BACH2: variants seen among roughly 807,000 people sequenced by gnomAD.
The protein encoded by BACH2 is BACH transcriptional regulator 2, also known as transcription regulator protein BACH2.
A neutral mutation model predicts 61.8 loss-of-function variants in BACH2; 5 were observed. That is an observed-to-expected ratio of 0.08 (90% CI 0.04 to 0.17). BACH2 has a LOEUF of 0.17. BACH2 is among the 10% of genes least tolerant of loss of function. BACH2 has a pLI of 1.00. For missense variants in BACH2, 824 were observed against 1,091.1 expected (o/e 0.76, Z 3.45); for synonymous variants, 446 against 440.1 (o/e 1.01, Z -0.17).
chr6:90,239,277 T>C (rs2127863873), intron 3 of BACH2, among the ~76,000 whole-genome samples: 1 of 152,360 alleles, frequency 6.6e-6, no homozygotes, highest in Non-Finnish European at 1.5e-5. Context: ...CAGCTGGGAA[T>C]GTCCTGGCAT....
At position 90,029,606 on chromosome 6, in the gene BACH2, T is replaced by G. The variant is rs149269339; in HGVS notation, c.-12-20750A>C. Among the ~76,000 whole-genome samples the G allele has an allele frequency of 6.7e-3, 1,018 of 152,308 alleles. 17 individuals are homozygous for G. The highest frequency in any genetic ancestry group is 0.023 in the African/African-American group (972 of 41,556). ...ATTGAGGGCAGGAATTTTTACCTGTTTTGCTCACCATTGAAGCCGCAGAAC... is the reference window on the plus strand; with the variant it reads ...ATTGAGGGCAGGAATTTTTACCTGTGTTGCTCACCATTGAAGCCGCAGAAC... On this transcript the variant is annotated intron_variant, in intron 5 of 8. Transcript: ENST00000257749.
chr6:89,951,067 T>C lies in BACH2; in HGVS notation c.1039A>G (p.Ile347Val), dbSNP rs1774066807. 1 of 1,612,184 alleles carries C rather than the reference T, an allele frequency of 6.2e-7. No homozygotes were observed. Among genetic ancestry groups the C allele is most frequent in the Non-Finnish European group, 8.5e-7 (1 of 1,179,088 alleles). ...SPSCLRSLFSITKSVELSGLP... is the reference protein window; with the variant it reads ...SPSCLRSLFSVTKSVELSGLP... ...CCAGACAGCTCCACACTTTTCGTTA[T>C]GCTGAACAGAGACCTTAAGCAGGAG... is the stretch of plus-strand genomic sequence containing the variant. Residue 347 changes from isoleucine to valine, a missense_variant, in exon 7 of 9, where the codon ATA becomes GTA. Around this residue, in one of 8 missense-constraint regions of BACH2, gnomAD observed 226 missense variants for 228.5 expected, o/e 0.99. Transcript: ENST00000257749. This position sits in a 1 kb window ranked among gnomAD's most constrained non-coding sequence, Gnocchi z 6.4.
chr6:89,946,625 T>C (rs1437833118), intron 7 of BACH2, among the ~76,000 whole-genome samples: 1 of 152,222 alleles, frequency 6.6e-6, no homozygotes, highest in African/African-American at 2.4e-5. Flanking sequence ...GAAACATGTC[T>C]TGGCCCTGTG....
chr6:90,011,130 A>G (rs1189802940), intron 5 of BACH2, among the ~76,000 whole-genome samples: 1 of 149,674 alleles, frequency 6.7e-6, no homozygotes, highest in African/African-American at 2.5e-5. Context: ...AAACTAAACC[A>G]AGGTCATAAA....
At chr6:89,971,177 G>A (rs182030054) in intron 6 of BACH2, among the ~76,000 whole-genome samples, 3 of 152,290 alleles carry the variant, frequency 2.0e-5, no homozygotes, top group Admixed American at 2.0e-4. Flanking sequence ...AGTAACATGG[G>A]AACAACTGCG....
intron 4 of BACH2, among the ~76,000 whole-genome samples, chr6:90,145,484 TAGTC>T (rs1389753974): frequency 1.3e-5 from 2 of 152,226 alleles, no homozygotes; most frequent in African/African-American, 2.4e-5. Flanking sequence ...AACTAGTACA[TAGTC>T]AGCTTTTTAG....
At chr6:90,013,429 G>C (rs148100782) in intron 5 of BACH2, among the ~76,000 whole-genome samples, 64 of 151,504 alleles carry the variant, frequency 4.2e-4, no homozygotes, top group African/African-American at 1.5e-3. Context: ...AGCTGAGGAA[G>C]TTTTATTTCT....
At chr6:89,939,779 C>T (rs1388967021) in intron 7 of BACH2, among the ~76,000 whole-genome samples, 3 of 148,952 alleles carry the variant, frequency 2.0e-5, no homozygotes, top group South Asian at 2.1e-4. Context: ...ATCCTCTTGC[C>T]TTGGCCTCCC....
intron 5 of BACH2, among the ~76,000 whole-genome samples, chr6:90,049,821 G>GT (rs1309253528): frequency 1.3e-5 from 2 of 152,206 alleles, no homozygotes; most frequent in African/African-American, 4.8e-5. Flanking sequence ...GCAAACCAAA[G>GT]TAAGATTGTC....
intron 5 of BACH2, among the ~76,000 whole-genome samples, chr6:90,070,402 T>C (rs145500921): frequency 2.6e-5 from 4 of 152,276 alleles, no homozygotes; most frequent in Admixed American, 1.3e-4. Context: ...CTTGAGGAAG[T>C]AGCTGGTTCC....
At chr6:89,933,427 C>A (rs1333827369) in intron 8 of BACH2, among the ~76,000 whole-genome samples, 1 of 152,054 alleles carries the variant, frequency 6.6e-6, no homozygotes, top group Non-Finnish European at 1.5e-5. Flanking sequence ...GGCAGTGAAG[C>A]CACTCTGTAT....
chr6:90,099,789 T>C (rs1782536793), intron 4 of BACH2, among the ~76,000 whole-genome samples: 1 of 152,194 alleles, frequency 6.6e-6, no homozygotes, highest in African/African-American at 2.4e-5. Context: ...ATAATCAGCA[T>C]ATCATACAAT....
intron 3 of BACH2, among the ~76,000 whole-genome samples, chr6:90,209,134 G>A (rs1228391262): frequency 6.6e-6 from 1 of 152,050 alleles, no homozygotes; most frequent in Non-Finnish European, 1.5e-5. Flanking sequence ...GCAAACCAAC[G>A]TGGCACATGT....
At chr6:90,049,791 G>A (rs1172631847) in intron 5 of BACH2, among the ~76,000 whole-genome samples, 1 of 152,200 alleles carries the variant, frequency 6.6e-6, no homozygotes, top group Non-Finnish European at 1.5e-5. Context: ...AATGAGATGT[G>A]CTCATAAAGT....
At chr6:90,099,726 C>T (rs1388477090) in intron 4 of BACH2, among the ~76,000 whole-genome samples, 1 of 152,124 alleles carries the variant, frequency 6.6e-6, no homozygotes, top group African/African-American at 2.4e-5. Context: ...ATTAGGTGGC[C>T]AGGACCACTT....
chr6:90,109,944 T>C (rs1016261686), intron 4 of BACH2, among the ~76,000 whole-genome samples: 1 of 152,224 alleles, frequency 6.6e-6, no homozygotes, highest in African/African-American at 2.4e-5. Context: ...AAAATAGAAT[T>C]CATTGTATTT....
Position 90,237,073 on chromosome 6 carries a change from G to A in BACH2, c.-275+15440C>T, listed in dbSNP as rs148835110. Among the ~76,000 whole-genome samples, 305 of 152,128 alleles carry A rather than the reference G, an allele frequency of 2.0e-3. 1 individual carries two copies. Among genetic ancestry groups the A allele is most frequent in the Non-Finnish European group, 3.7e-3 (249 of 67,988 alleles). ...CAAGTAGCTGGGACTACAGGCGCCTGCCACCACGCCCGGCTAATTTTTCGT... is the reference window on the plus strand; with the variant it reads ...CAAGTAGCTGGGACTACAGGCGCCTACCACCACGCCCGGCTAATTTTTCGT... On this transcript the variant is annotated intron_variant, in intron 3 of 8. Coordinates refer to ENST00000257749, the MANE Select transcript of BACH2 (RefSeq NM_021813.4).
chr6:90,153,208 T>C (rs979855199), intron 4 of BACH2, among the ~76,000 whole-genome samples: 1 of 152,202 alleles, frequency 6.6e-6, no homozygotes, highest in Non-Finnish European at 1.5e-5. Context: ...TTTCAGAGTA[T>C]GGCCATTTCA....
chr6:90,213,055 C>T (rs1041831673), intron 3 of BACH2, among the ~76,000 whole-genome samples: 3 of 152,180 alleles, frequency 2.0e-5, no homozygotes, highest in Non-Finnish European at 4.4e-5. Context: ...AGAGGAGCCC[C>T]CAAGAGGTTA....
Sources: allele counts gnomAD v4.1 joint callset (sites outside exome capture counted in the v4.1 genomes callset), GRCh38; gene constraint gnomAD v4.1.1; regional missense constraint gnomAD v4.1.1; non-coding constraint Gnocchi (gnomAD v3.1); transcripts MANE v1.5; gene names NCBI Gene and HGNC (gene_info 2026-07-23, HGNC 2026-07-21).